The following SLX4IP variants were observed in gnomAD, a reference collection of about 807,000 sequenced individuals.
SLX4IP encodes the protein protein SLX4IP.
Under a neutral mutation model 32.9 loss-of-function variants are expected in SLX4IP, and 34 were observed. The ratio of observed to expected loss-of-function variants is 1.03; its 90% confidence interval spans 0.79 to 1.38. The LOEUF (loss-of-function observed/expected upper bound fraction) is 1.38, where lower values mean the gene tolerates loss of function less well. Ranked by LOEUF, SLX4IP falls within the 40% of genes most tolerant of loss-of-function variation. The pLI is 0.00. For synonymous variants in SLX4IP, 172 were observed against 171.7 expected, an observed-to-expected ratio of 1.00 and a Z score of -0.01; for missense variants, 444 against 479.0, an observed-to-expected ratio of 0.93 and a Z score of 0.68.
chr20:10,529,542 T>G (rs632378), intron 2 of SLX4IP, among the ~76,000 whole-genome samples: 85,613 of 144,172 alleles, frequency 0.59, 25,565 homozygotes, highest in South Asian at 0.75. Flanking sequence ...AGTGAGCCGA[T>G]ATTGTACCAC....
At chr20:10,468,289 A>G (rs1555806743) in intron 2 of SLX4IP, among the ~76,000 whole-genome samples, 1 of 152,094 alleles carries the variant, frequency 6.6e-6, no homozygotes, top group Non-Finnish European at 1.5e-5. Context: ...TTTTATGTCC[A>G]TGTTAATCTC....
chr20:10,562,649 A>G (rs1158768772), intron 4 of SLX4IP, among the ~76,000 whole-genome samples: 1 of 152,170 alleles, frequency 6.6e-6, no homozygotes, highest in South Asian at 2.1e-4. Flanking sequence ...CCAAGGGTGG[A>G]GCCCTCACCA....
chr20:10,592,622 C>CT (rs33995611), intron 4 of SLX4IP, among the ~76,000 whole-genome samples: 2,152 of 55,190 alleles, frequency 0.039, 517 homozygotes, highest in African/African-American at 0.053. Flanking sequence ...TATTCTTCAT[C>CT]TTTTTTTTTT....
intron 2 of SLX4IP, among the ~76,000 whole-genome samples, chr20:10,473,981 C>T (rs1207645717): frequency 6.6e-6 from 1 of 152,046 alleles, no homozygotes. Flanking sequence ...CGCCACCATG[C>T]CTGGCTAATT....
At chr20:10,479,352 C>CTTTTT (rs764474218) in intron 2 of SLX4IP, among the ~76,000 whole-genome samples, 9 of 73,714 alleles carry the variant, frequency 1.2e-4, no homozygotes, top group Non-Finnish European at 2.0e-4. Context: ...TTCCATATTT[C>CTTTTT]TTTTTTTTTT....
intron 2 of SLX4IP, among the ~76,000 whole-genome samples, chr20:10,512,818 A>ATATATATT (rs1364284189): frequency 1.0e-5 from 1 of 95,752 alleles, no homozygotes; most frequent in Non-Finnish European, 2.1e-5. Context: ...ATATATATAT[A>ATATATATT]TATAGTTGTT....
chr20:10,537,951 G>A (rs543477887), intron 2 of SLX4IP, among the ~76,000 whole-genome samples: 69 of 152,266 alleles, frequency 4.5e-4, no homozygotes, highest in African/African-American at 1.6e-3. Flanking sequence ...CCTGTTAAAA[G>A]CTAACAGTGA....
intron 2 of SLX4IP, among the ~76,000 whole-genome samples, chr20:10,477,903 T>C (rs1005858566): frequency 6.6e-6 from 1 of 151,144 alleles, no homozygotes; most frequent in African/African-American, 2.4e-5. Flanking sequence ...TCTCCCTTTT[T>C]TTTTTTTTTT....
At chr20:10,534,943 G>A (rs1035284770) in intron 2 of SLX4IP, among the ~76,000 whole-genome samples, 1 of 152,220 alleles carries the variant, frequency 6.6e-6, no homozygotes, top group Non-Finnish European at 1.5e-5. Context: ...TGACTTGGGT[G>A]TACCGGGATA....
chr20:10,552,344 A>G (rs1908658969), intron 2 of SLX4IP, among the ~76,000 whole-genome samples: 1 of 152,050 alleles, frequency 6.6e-6, no homozygotes. Flanking sequence ...TCTCCTAATT[A>G]GGAGGAGGAG....
At chr20:10,572,411 A>G (rs1473367476) in intron 4 of SLX4IP, among the ~76,000 whole-genome samples, 2 of 152,266 alleles carry the variant, frequency 1.3e-5, no homozygotes, top group East Asian at 3.9e-4. Flanking sequence ...TTGAATTACC[A>G]TGTGGGTATC....
intron 4 of SLX4IP, among the ~76,000 whole-genome samples, chr20:10,588,506 T>C (rs2066670317): frequency 6.6e-6 from 1 of 152,140 alleles, no homozygotes; most frequent in Admixed American, 6.6e-5. Context: ...TCTGGGTATA[T>C]ATACAAAGGA....
intron 2 of SLX4IP, among the ~76,000 whole-genome samples, chr20:10,512,269 G>A: frequency 6.6e-6 from 1 of 152,136 alleles, no homozygotes; most frequent in East Asian, 1.9e-4. Context: ...GGTTTTTCTT[G>A]ATAATGAGAA....
chr20:10,545,139 G>A (rs1032729210), intron 2 of SLX4IP, among the ~76,000 whole-genome samples: 1 of 152,146 alleles, frequency 6.6e-6, no homozygotes, highest in Admixed American at 6.6e-5. Context: ...AGAACCGGTA[G>A]TCTAGGCTTG....
intron 2 of SLX4IP, among the ~76,000 whole-genome samples, chr20:10,547,313 C>T (rs1386926158): frequency 6.6e-6 from 1 of 152,146 alleles, no homozygotes; most frequent in Non-Finnish European, 1.5e-5. Flanking sequence ...AATCCTTCCC[C>T]AACCATAGTA....
chr20:10,508,691 T>G (rs1187517522), intron 2 of SLX4IP, among the ~76,000 whole-genome samples: 1 of 152,242 alleles, frequency 6.6e-6, no homozygotes, highest in African/African-American at 2.4e-5. Context: ...CTAACTTTAC[T>G]GGTTCTCCTT....
intron 2 of SLX4IP, among the ~76,000 whole-genome samples, chr20:10,494,374 T>A (rs1357175344): frequency 6.7e-6 from 1 of 150,146 alleles, no homozygotes; most frequent in Non-Finnish European, 1.5e-5. Context: ...TGTTATAATA[T>A]CATTATTATA....
intron 1 of SLX4IP, 134 bp from the exon 2 acceptor site, chr20:10,458,042 G>A (rs2065302061): frequency 2.0e-6 from 1 of 492,536 alleles, no homozygotes; most frequent in African/African-American, 2.0e-5. Context: ...TTTTGGTTAA[G>A]GGCAATTATA....
chr20:10,473,905 C>T (rs997524924), intron 2 of SLX4IP, among the ~76,000 whole-genome samples: 4 of 152,076 alleles, frequency 2.6e-5, no homozygotes, highest in Admixed American at 1.3e-4. Context: ...TCACTGCAAC[C>T]TCCGCCTCAT....
Sources: allele counts gnomAD v4.1 joint callset (sites outside exome capture counted in the v4.1 genomes callset), GRCh38; gene constraint gnomAD v4.1.1; transcripts MANE v1.5; gene names NCBI Gene and HGNC (gene_info 2026-07-23, HGNC 2026-07-21).